The following AQP9 variants were observed in gnomAD, a reference collection of about 807,000 sequenced individuals.
The protein encoded by AQP9 is aquaporin 9, also known as aquaporin-9.
A neutral mutation model predicts 23.8 loss-of-function variants in AQP9; 19 were observed. The observed-to-expected ratio is 0.80, with a 90% confidence interval of 0.56 to 1.17. AQP9 has a LOEUF of 1.17. Among genes scored for constraint, AQP9 ranks in the 50% most tolerant of loss-of-function variants. AQP9 has a pLI of 0.00. For synonymous variants in AQP9, 153 were observed against 131.5 expected, an observed-to-expected ratio of 1.16 and a Z score of -1.12; for missense variants, 413 against 362.0, an observed-to-expected ratio of 1.14 and a Z score of -1.14.
At chr15:58,151,303 A>AAAATCT (rs1203210798) in intron 1 of AQP9, 1 of 152,174 alleles carries the variant, frequency 6.6e-6, no homozygotes, top group African/African-American at 2.4e-5. Flanking sequence ...GATTATGTAC[A>AAAATCT]AAATCTAAAT....
Position 58,175,021 on chromosome 15 carries a change from C to A in AQP9, c.480C>A (p.Asn160Lys), listed in dbSNP as rs562183896. The A allele has an allele frequency of 1.2e-6, 2 of 1,613,186 alleles. No homozygotes were observed. Among genetic ancestry groups the A allele is most frequent in the East Asian group, 2.2e-5 (1 of 44,890 alleles). Residue 160 changes from asparagine (N) to lysine (K), a missense_variant, in exon 4 of 6, where the codon AAC (asparagine) becomes AAA (lysine). Coordinates refer to ENST00000219919, the MANE Select transcript of AQP9 (RefSeq NM_020980.5). ...CAGCTCCGTATCTATCTCTGGCGAA[C>A]GCATTTGCAGATCAAGTAAGTGTAG... ...TYPAPYLSLANAFADQVVATM... is the reference protein window; with the variant it reads ...TYPAPYLSLAKAFADQVVATM...
At chr15:58,170,553 T>C (rs1898597698) in intron 2 of AQP9, among the ~76,000 whole-genome samples, 1 of 151,736 alleles carries the variant, frequency 6.6e-6, no homozygotes, top group East Asian at 2.0e-4. Flanking sequence ...TACAGGCGTA[T>C]GCCACTATGC....
intron 1 of AQP9, among the ~76,000 whole-genome samples, chr15:58,164,993 G>A (rs1595737965): frequency 6.6e-6 from 1 of 152,110 alleles, no homozygotes; most frequent in South Asian, 2.1e-4. Flanking sequence ...CCTTCACATT[G>A]TTAATCTCTT....
chr15:58,150,045 T>A (rs1221045452), intron 1 of AQP9, among the ~76,000 whole-genome samples: 1 of 152,222 alleles, frequency 6.6e-6, no homozygotes, highest in African/African-American at 2.4e-5. Context: ...AATGGTTTCC[T>A]CTTCCCAGAC....
intron 1 of AQP9, among the ~76,000 whole-genome samples, chr15:58,163,662 A>T (rs1352907458): frequency 2.0e-5 from 3 of 152,182 alleles, no homozygotes; most frequent in Non-Finnish European, 4.4e-5. Context: ...GATAGGGTGG[A>T]TATGATAACG....
intron 2 of AQP9, among the ~76,000 whole-genome samples, chr15:58,172,032 A>T (rs1010895010): frequency 8.5e-5 from 13 of 152,180 alleles, no homozygotes; most frequent in African/African-American, 3.1e-4. Context: ...CAATTTTTTT[A>T]AATTCTTTAT....
chr15:58,163,241 T>C (rs746090491), intron 1 of AQP9, among the ~76,000 whole-genome samples: 9 of 152,188 alleles, frequency 5.9e-5, no homozygotes, highest in Non-Finnish European at 1.3e-4. Context: ...ATCTCCTATA[T>C]GGTTTTGTGA....
At chr15:58,164,338 G>A (rs1050099269) in intron 1 of AQP9, among the ~76,000 whole-genome samples, 2 of 152,090 alleles carry the variant, frequency 1.3e-5, no homozygotes, top group Non-Finnish European at 2.9e-5. Context: ...TCTCTTTTGC[G>A]TCTCTTCTTA....
intron 1 of AQP9, among the ~76,000 whole-genome samples, chr15:58,162,477 C>T (rs1898403846): frequency 6.6e-6 from 1 of 152,172 alleles, no homozygotes; most frequent in South Asian, 2.1e-4. Flanking sequence ...ACAGAACAAG[C>T]TGCCTAATGT....
intron 1 of AQP9, among the ~76,000 whole-genome samples, chr15:58,147,254 T>C (rs1431295184): frequency 1.3e-5 from 2 of 152,122 alleles, no homozygotes; most frequent in Non-Finnish European, 2.9e-5. Flanking sequence ...AGTTTTTCTT[T>C]AGTGACGAAT....
chr15:58,174,921 G>A lies in AQP9; in HGVS notation c.380G>A (p.Gly127Glu). 2 of 1,613,762 alleles carry A rather than the reference G, an allele frequency of 1.2e-6. No homozygotes were observed. Among genetic ancestry groups the A allele is most frequent in the Non-Finnish European group, 1.7e-6 (2 of 1,179,630 alleles). The change falls in exon 4 of 6, where the codon GGA (glycine) becomes GAA (glutamate). Residue 127 changes from glycine to glutamate, a missense_variant. Coordinates refer to ENST00000219919, the MANE Select transcript of AQP9 (RefSeq NM_020980.5). ...GCCAGAGCTTTCTCTTTCATAGATGGACTTATGTCCTTTGCTGGTGGAAAA... is the reference window on the plus strand; with the variant it reads ...GCCAGAGCTTTCTCTTTCATAGATGAACTTATGTCCTTTGCTGGTGGAAAA... ...AATVFGIYYD[G>E]LMSFAGGKLL...
At position 58,156,894 on chromosome 15, in the gene AQP9, A is replaced by C. The variant is rs376422624; in HGVS notation, c.112-9779A>C. ...TAAGTTATTGCTATCAGGTGCGCTT[A>C]CCCTACATATGTCCTCAGGAAAATT... On this transcript the variant is annotated intron_variant, in intron 1 of 5. Coordinates refer to ENST00000219919, the MANE Select transcript of AQP9 (RefSeq NM_020980.5). Among the ~76,000 whole-genome samples the C allele has an allele frequency of 1.6e-4, 25 of 152,236 alleles. 1 individual carries two copies. Among genetic ancestry groups the C allele is most frequent in the Admixed American group, 8.5e-4 (13 of 15,296 alleles).
At chr15:58,163,198 C>T (rs2036185228) in intron 1 of AQP9, among the ~76,000 whole-genome samples, 2 of 152,186 alleles carry the variant, frequency 1.3e-5, no homozygotes, top group South Asian at 4.1e-4. Context: ...AAGGCTAGAT[C>T]TTCATTGTGT....
chr15:58,161,963 G>A (rs1189985477), intron 1 of AQP9, among the ~76,000 whole-genome samples: 1 of 151,944 alleles, frequency 6.6e-6, no homozygotes, highest in Non-Finnish European at 1.5e-5. Context: ...CAATATACTA[G>A]AAGCTGTTAC....
In AQP9 at chr15:58,179,213, T is replaced by C. The variant is rs1172957356; in HGVS notation, c.581T>C (p.Ile194Thr). The part of the protein sequence containing the change: ...NLGAPRGLEP[I>T]AIGLLIIVIA... ...GGAGCCCCCAGAGGCCTAGAGCCCA[T>C]TGCCATCGGCCTCCTGATTATTGTC... Residue 194 changes from isoleucine (I) to threonine (T), a missense_variant, in exon 5 of 6, where the codon ATT (isoleucine) becomes ACT (threonine). Coordinates refer to ENST00000219919, the MANE Select transcript of AQP9 (RefSeq NM_020980.5). 5.6e-6 allele frequency: 9 copies of C among 1,614,066 alleles called. No homozygotes were observed. The highest frequency in any genetic ancestry group is 3.3e-5 in the South Asian group (3 of 91,078).
intron 1 of AQP9, among the ~76,000 whole-genome samples, chr15:58,160,225 G>C (rs939951628): frequency 6.7e-6 from 1 of 150,104 alleles, no homozygotes; most frequent in Non-Finnish European, 1.5e-5. Flanking sequence ...GTTTTGATTC[G>C]CATTTCTCTG....
At chr15:58,153,985 A>G (rs1468609445) in intron 1 of AQP9, 2 of 152,170 alleles carry the variant, frequency 1.3e-5, no homozygotes, top group African/African-American at 4.8e-5. Flanking sequence ...TGGATTCCTC[A>G]TTACCAATAA....
rs1403195478 is a variant in AQP9 at position 58,185,474 on chromosome 15, A to G, written c.*1339A>G. The G allele has an allele frequency of 6.6e-6, 1 of 152,632 alleles. No homozygotes were observed. The highest frequency in any genetic ancestry group is 2.4e-5 in the African/African-American group (1 of 41,460). The allele number at this position is 152,632 out of a possible 1,614,324, so 9.5% of individuals were successfully genotyped here. A position where few individuals can be genotyped will look rare whatever the true frequency, so the allele number is the denominator to read the frequency against. On this transcript the variant is annotated 3_prime_UTR_variant, in exon 6 of 6. Transcript: ENST00000219919. ...AGATGAAGGAAAGTGGTAGCAATTT[A>G]ATCATAACTTTCATTTGCTGAAAAA... is the stretch of plus-strand genomic sequence containing the variant.
At chr15:58,163,715 G>A (rs1422049046) in intron 1 of AQP9, among the ~76,000 whole-genome samples, 1 of 152,142 alleles carries the variant, frequency 6.6e-6, no homozygotes. Context: ...GGCAGTTCTT[G>A]AAGGTGAGAT....
Sources: gnomAD v4.1 joint callset for allele counts (sites outside exome capture counted in the v4.1 genomes callset) on GRCh38, gnomAD v4.1.1 for gene constraint, MANE v1.5 for transcripts, NCBI Gene and HGNC (gene_info 2026-07-23, HGNC 2026-07-21) for gene names.